The following PPFIA2 variants were observed in gnomAD, a reference collection of about 807,000 sequenced individuals.
PPFIA2 encodes the protein PPFI scaffold protein A2, also known as liprin-alpha-2.
A neutral mutation model predicts 175.5 loss-of-function variants in PPFIA2; 46 were observed. The observed-to-expected ratio is 0.26, with a 90% CI of 0.21 to 0.34. The LOEUF is 0.34. PPFIA2 is among the 10% of genes least tolerant of loss of function. PPFIA2 has a pLI of 1.00. For synonymous variants in PPFIA2, 568 were observed against 511.4 expected, an observed-to-expected ratio of 1.11 and a Z score of -1.49; for missense variants, 1,179 against 1,506.1, an observed-to-expected ratio of 0.78 and a Z score of 3.60.
At chr12:81,573,000 G>A (rs1045151605) in intron 4 of PPFIA2, among the ~76,000 whole-genome samples, 7 of 150,572 alleles carry the variant, frequency 4.6e-5, no homozygotes, top group African/African-American at 1.5e-4. Context: ...AAACACACAA[G>A]TGTATTAATA....
rs114939952 is a variant in PPFIA2, at chr12:81,727,945, T to C, written c.249+26028A>G. Among the ~76,000 whole-genome samples the C allele has an allele frequency of 2.4e-3, 357 of 151,506 alleles. 2 individuals are homozygous for C. Among genetic ancestry groups the C allele is most frequent in the African/African-American group, 8.3e-3 (346 of 41,456 alleles). ...TTACTACCTATTTCTATTTCACGGGTTTATAAGGTTCTATCAGATAGTGTA... is the reference window on the plus strand; with the variant it reads ...TTACTACCTATTTCTATTTCACGGGCTTATAAGGTTCTATCAGATAGTGTA... On this transcript the variant is annotated intron_variant, in intron 3 of 32. Transcript: ENST00000549396.
chr12:81,702,007 A>T (rs2076549255), intron 3 of PPFIA2, among the ~76,000 whole-genome samples: 1 of 152,128 alleles, frequency 6.6e-6, no homozygotes. Flanking sequence ...GAGAAACAAC[A>T]GGAAGCTGAA....
At chr12:81,712,470 T>C (rs1216808354) in intron 3 of PPFIA2, among the ~76,000 whole-genome samples, 3 of 151,350 alleles carry the variant, frequency 2.0e-5, no homozygotes, top group Admixed American at 6.7e-5. Context: ...TTTTGGTTTA[T>C]AAGGATGCAC....
chr12:81,606,714 C>A (rs2060360868), intron 4 of PPFIA2, among the ~76,000 whole-genome samples: 2 of 152,020 alleles, frequency 1.3e-5, no homozygotes, highest in South Asian at 4.1e-4. Context: ...GTATATTAGA[C>A]CTCTGTCAGA....
chr12:81,494,629 A>G (rs574017779), intron 4 of PPFIA2, among the ~76,000 whole-genome samples: 17 of 152,186 alleles, frequency 1.1e-4, no homozygotes, highest in African/African-American at 3.6e-4. Context: ...ATGCTGCTAT[A>G]AAGACACATG....
chr12:81,395,736 G>C (rs938481480), intron 8 of PPFIA2, among the ~76,000 whole-genome samples: 1 of 152,022 alleles, frequency 6.6e-6, no homozygotes, highest in Non-Finnish European at 1.5e-5. Flanking sequence ...AGCTCCCAGA[G>C]ATTACCCAGG....
intron 8 of PPFIA2, among the ~76,000 whole-genome samples, chr12:81,394,816 AAAAAAAACTGTCC>A (rs1430793414): frequency 6.6e-6 from 1 of 152,022 alleles, no homozygotes; most frequent in East Asian, 1.9e-4. Context: ...GTTAAAAAAA[AAAAAAAACTGTCC>A]ATGAAATCCA....
intron 4 of PPFIA2, among the ~76,000 whole-genome samples, chr12:81,667,296 C>T (rs1382675739): frequency 2.0e-5 from 3 of 152,052 alleles, no homozygotes; most frequent in African/African-American, 7.2e-5. Context: ...ATCACTTTAC[C>T]TCAACGAAAA....
intron 3 of PPFIA2, among the ~76,000 whole-genome samples, chr12:81,696,584 T>C (rs1463772268): frequency 6.6e-6 from 1 of 152,140 alleles, no homozygotes; most frequent in Non-Finnish European, 1.5e-5. Context: ...TCTGACAATA[T>C]TTTTACAGAT....
At chr12:81,288,144 C>T (rs1186009430) in intron 24 of PPFIA2, among the ~76,000 whole-genome samples, 4 of 151,804 alleles carry the variant, frequency 2.6e-5, no homozygotes, top group Non-Finnish European at 5.9e-5. Context: ...ATTTCCTAAG[C>T]CTGTCTAAAT....
intron 4 of PPFIA2, among the ~76,000 whole-genome samples, chr12:81,641,723 G>A (rs953577111): frequency 6.6e-6 from 1 of 152,080 alleles, no homozygotes; most frequent in African/African-American, 2.4e-5. Flanking sequence ...CCTGAGCCTT[G>A]CCCACATCAG....
chr12:81,425,513 T>C (rs1288939267), intron 7 of PPFIA2, among the ~76,000 whole-genome samples: 1 of 152,034 alleles, frequency 6.6e-6, no homozygotes, highest in Non-Finnish European at 1.5e-5. Flanking sequence ...CCCGGCTAAA[T>C]TTTTGTATTT....
chr12:81,683,392 T>C (rs1488786314), intron 3 of PPFIA2, among the ~76,000 whole-genome samples: 5 of 152,038 alleles, frequency 3.3e-5, no homozygotes, highest in Non-Finnish European at 7.4e-5. Flanking sequence ...TCCATGAATT[T>C]GTTATCTCCC....
chr12:81,491,232 A>G (rs1394966094), intron 4 of PPFIA2, among the ~76,000 whole-genome samples: 1 of 149,594 alleles, frequency 6.7e-6, no homozygotes, highest in Non-Finnish European at 1.5e-5. Context: ...CTTTGTCTCC[A>G]CTGTATTGAA....
intron 4 of PPFIA2, among the ~76,000 whole-genome samples, chr12:81,627,074 T>G (rs906221684): frequency 3.3e-5 from 5 of 152,022 alleles, no homozygotes; most frequent in Non-Finnish European, 1.5e-5. Flanking sequence ...GCAAGAGTCA[T>G]TTTGATAGTT....
At chr12:81,618,699 T>G (rs1361107972) in intron 4 of PPFIA2, among the ~76,000 whole-genome samples, 1 of 151,844 alleles carries the variant, frequency 6.6e-6, no homozygotes, top group Non-Finnish European at 1.5e-5. Flanking sequence ...CAGCTAATTT[T>G]TTTTTGTATT....
At chr12:81,580,811 A>G (rs533956213) in intron 4 of PPFIA2, among the ~76,000 whole-genome samples, 1 of 151,800 alleles carries the variant, frequency 6.6e-6, no homozygotes, top group Non-Finnish European at 1.5e-5. Flanking sequence ...AATTACATAT[A>G]TCCTTTATAT....
At chr12:81,671,377 T>A (rs73149309) in intron 4 of PPFIA2, among the ~76,000 whole-genome samples, 6,735 of 151,876 alleles carry the variant, frequency 0.044, 297 homozygotes, top group East Asian at 0.25. Flanking sequence ...CTAATTTTTT[T>A]AAAAAATAAT....
At chr12:81,555,009 C>A (rs1396629112) in intron 4 of PPFIA2, among the ~76,000 whole-genome samples, 5 of 151,920 alleles carry the variant, frequency 3.3e-5, no homozygotes, top group African/African-American at 1.2e-4. Context: ...GTGATCAAAT[C>A]TCAAAAAAGT....
Sources: allele counts gnomAD v4.1 joint callset (sites outside exome capture counted in the v4.1 genomes callset), GRCh38; gene constraint gnomAD v4.1.1; transcripts MANE v1.5; gene names NCBI Gene and HGNC (gene_info 2026-07-23, HGNC 2026-07-21).